The following PRR11 variants were observed in gnomAD, a reference collection of about 807,000 sequenced individuals.
PRR11 encodes the protein proline rich 11, also known as proline-rich protein 11.
Under a neutral mutation model 45.6 loss-of-function variants are expected in PRR11, and 30 were observed. That is an observed-to-expected ratio of 0.66 (90% CI 0.49 to 0.89). The LOEUF (loss-of-function observed/expected upper bound fraction) is 0.89, where lower values mean the gene tolerates loss of function less well. PRR11 is among the 40% of genes least tolerant of loss of function. PRR11 has a pLI of 0.00. For missense variants in PRR11, 373 were observed against 424.8 expected (o/e 0.88, Z 1.07); for synonymous variants, 128 against 153.5 (o/e 0.83, Z 1.23).
rs1348666490 is a variant in PRR11, at chr17:59,205,837, G to A, written c.*4206G>A. Reference sequence around the variant, plus strand: ...GAGGTGGGTGTATCACTTGAGGTCAGGAGTTTGAGACCAGCCTGGCCAACA... The same window carrying A: ...GAGGTGGGTGTATCACTTGAGGTCAAGAGTTTGAGACCAGCCTGGCCAACA... On this transcript the variant is annotated 3_prime_UTR_variant, in exon 10 of 10. Transcript: ENST00000262293. Among the ~76,000 whole-genome samples, 1 of 149,160 alleles carries A rather than the reference G, an allele frequency of 6.7e-6. No homozygotes were observed. Among genetic ancestry groups the A allele is most frequent in the South Asian group, 2.1e-4 (1 of 4,682 alleles).
intron 2 of PRR11, among the ~76,000 whole-genome samples, 179 bp from the exon 3 acceptor site, chr17:59,184,875 T>C (rs965385554): frequency 2.0e-5 from 3 of 147,666 alleles, no homozygotes; most frequent in Non-Finnish European, 4.5e-5. Flanking sequence ...TTTTTTTTTT[T>C]TGGCAGGGAC....
In PRR11 at chr17:59,195,363, AGTTACC is replaced by A. The variant is rs554356657; in HGVS notation, c.780_785del (p.Thr261_Val262del). ...CATCGCCGAAAGCACGGAATCCACT[AGTTACC>A]GTCTCTGACTTGCAGCATGTTACCC... On this transcript the variant is annotated inframe_deletion, in exon 7 of 10. Coordinates refer to ENST00000262293, the MANE Select transcript of PRR11 (RefSeq NM_018304.4). 2.5e-3 allele frequency: 4,046 copies of A among 1,613,764 alleles called. 7 individuals carry two copies. Among genetic ancestry groups the A allele is most frequent in the Non-Finnish European group, 3.1e-3 (3,621 of 1,179,698 alleles).
chr17:59,173,955 G>A (rs540386647), intron 2 of PRR11, among the ~76,000 whole-genome samples: 8 of 152,282 alleles, frequency 5.3e-5, no homozygotes, highest in East Asian at 3.9e-4. Flanking sequence ...TAAAGGAGGC[G>A]GCTCTCTAGA....
intron 2 of PRR11, chr17:59,180,019 C>A: frequency 1.1e-6 from 1 of 901,472 alleles, no homozygotes; most frequent in South Asian, 1.5e-5. Context: ...CGTCTTTCTC[C>A]TTTGCTGAAC....
intron 2 of PRR11, among the ~76,000 whole-genome samples, chr17:59,173,553 C>G (rs1270645735): frequency 6.6e-6 from 1 of 152,138 alleles, no homozygotes; most frequent in Non-Finnish European, 1.5e-5. Context: ...GTAACACTCA[C>G]CGCGAAGGTC....
rs116380385 is a variant in PRR11, at chr17:59,185,993, G to A, written c.402+431G>A. ...AAGAATGGGAATTTGGAGGGTCTGT[G>A]TCTGGCTTTGTCAGATAAATGAGGG... On this transcript the variant is annotated intron_variant, in intron 4 of 9. Transcript: ENST00000262293. 8.1e-3 allele frequency among the ~76,000 whole-genome samples: 1,238 copies of A among 152,288 alleles called. 20 individuals carry two copies. Among genetic ancestry groups the A allele is most frequent in the African/African-American group, 0.028 (1,152 of 41,562 alleles).
chr17:59,181,012 CAG>C (rs2046782431), intron 2 of PRR11, among the ~76,000 whole-genome samples: 1 of 151,398 alleles, frequency 6.6e-6, no homozygotes, highest in Non-Finnish European at 1.5e-5. Context: ...TTTTTTGAGA[CAG>C]AGTCTCTCTC....
At chr17:59,180,503 T>G (rs984663211) in intron 2 of PRR11, among the ~76,000 whole-genome samples, 7 of 123,404 alleles carry the variant, frequency 5.7e-5, no homozygotes. Flanking sequence ...CTTGTTTTTT[T>G]TTTTTTGTTT....
chr17:59,174,422 C>T (rs776236913), intron 2 of PRR11, among the ~76,000 whole-genome samples: 2 of 152,190 alleles, frequency 1.3e-5, no homozygotes, highest in South Asian at 2.1e-4. Context: ...ACTGAACCCT[C>T]GACCCAAATC....
intron 4 of PRR11, 66 bp from the exon 5 acceptor site, chr17:59,193,426 T>A (rs2046848774): frequency 6.9e-6 from 11 of 1,584,466 alleles, no homozygotes; most frequent in Non-Finnish European, 8.6e-6. Flanking sequence ...ATTATTTTGA[T>A]GACTCTCACC....
rs1170118010 is a variant in PRR11, at chr17:59,205,073, C to G, written c.*3442C>G. Among the ~76,000 whole-genome samples, 6 of 134,906 alleles carry G rather than the reference C, an allele frequency of 4.4e-5. No homozygotes were observed. Among genetic ancestry groups the G allele is most frequent in the Non-Finnish European group, 8.1e-5 (5 of 62,048 alleles). The allele number at this position is 134,906 out of a possible 152,430, so 88.5% of individuals were successfully genotyped here. On this transcript the variant is annotated 3_prime_UTR_variant, in exon 10 of 10. Coordinates refer to ENST00000262293, the MANE Select transcript of PRR11 (RefSeq NM_018304.4). ...TGCTTTGCTACATAATGAGGCCAGG[C>G]AAAAAAAAAAAAGTCCTGTGGAAAT...
At chr17:59,162,548 C>G (rs905337019) in intron 1 of PRR11, among the ~76,000 whole-genome samples, 1 of 152,134 alleles carries the variant, frequency 6.6e-6, no homozygotes, top group African/African-American at 2.4e-5. Flanking sequence ...TAAACCACCC[C>G]TCTGTAATCC....
Position 59,201,653 on chromosome 17 carries a change from T to A in PRR11, c.*22T>A. 1 of 1,609,026 alleles carries A rather than the reference T, an allele frequency of 6.2e-7. No homozygotes were observed. The highest frequency in any genetic ancestry group is 1.7e-5 in the Admixed American group (1 of 59,958). On this transcript the variant is annotated 3_prime_UTR_variant, in exon 10 of 10. Transcript: ENST00000262293. ...CTGATGCCAACTCTGCCTCACTCCA[T>A]GAGATGATCCATAACAAATACAGAT...
intron 1 of PRR11, among the ~76,000 whole-genome samples, chr17:59,167,886 G>A (rs1310914212): frequency 6.6e-6 from 1 of 152,060 alleles, no homozygotes; most frequent in South Asian, 2.1e-4. Flanking sequence ...TTATCAGAAG[G>A]GTCTTTGAGG....
chr17:59,182,779 C>T (rs915801921), intron 2 of PRR11, among the ~76,000 whole-genome samples: 4 of 152,162 alleles, frequency 2.6e-5, no homozygotes, highest in South Asian at 4.1e-4. Flanking sequence ...TCATCCACCA[C>T]CTCCTGGAGG....
In PRR11 at chr17:59,201,548, T is replaced by A. The variant is rs2046892359; in HGVS notation, c.1015-15T>A. On this transcript the variant is annotated splice_polypyrimidine_tract_variant and intron_variant, in intron 9 of 9. Transcript: ENST00000262293. The stretch of plus-strand genomic sequence containing the variant: ...ATATAATTGATATTATAATTGGGAC[T>A]TTTTTTTTTTATAGCTGGCTCACCC... The A allele has an allele frequency of 2.5e-6, 2 of 794,558 alleles. No homozygotes were observed. Among genetic ancestry groups the A allele is most frequent in the Admixed American group, 3.0e-5 (1 of 33,112 alleles). The allele number at this position is 794,558 out of a possible 1,614,324, so 49.2% of individuals were successfully genotyped here. A position where few individuals can be genotyped will look rare whatever the true frequency, so the allele number is the denominator to read the frequency against.
At chr17:59,198,439 G>T (rs955767000) in intron 9 of PRR11, among the ~76,000 whole-genome samples, 5 of 152,158 alleles carry the variant, frequency 3.3e-5, no homozygotes, top group Admixed American at 6.5e-5. Flanking sequence ...ACTTTGGAAG[G>T]CCGAGGCAGG....
chr17:59,185,612 T>G (rs2046810757), intron 4 of PRR11, 50 bp downstream of exon 4: 1 of 1,467,820 alleles, frequency 6.8e-7, no homozygotes, highest in Admixed American at 2.2e-5. Flanking sequence ...AAGGAGACAC[T>G]TTTTTTGAAA....
intron 1 of PRR11, among the ~76,000 whole-genome samples, chr17:59,159,427 T>C (rs1351280560): frequency 6.6e-6 from 1 of 152,222 alleles, no homozygotes; most frequent in African/African-American, 2.4e-5. Flanking sequence ...TAGATGTATT[T>C]AGATACCCTA....
Sources: allele counts gnomAD v4.1 joint callset (sites outside exome capture counted in the v4.1 genomes callset), GRCh38; gene constraint gnomAD v4.1.1; transcripts MANE v1.5; gene names NCBI Gene and HGNC (gene_info 2026-07-23, HGNC 2026-07-21).